LRP1B: variants seen among roughly 807,000 people sequenced by gnomAD.
LRP1B encodes low-density lipoprotein receptor-related protein 1B.
LRP1B carries 217 observed loss-of-function variants against 556.6 expected under a neutral mutation model. The observed-to-expected ratio is 0.39, with a 90% confidence interval of 0.35 to 0.44. LRP1B has a LOEUF of 0.44. LRP1B is among the 20% of genes least tolerant of loss of function. LRP1B has a pLI of 1.00. For missense variants in LRP1B, 5,053 were observed against 5,620.8 expected, an observed-to-expected ratio of 0.90 and a Z score of 3.23; for synonymous variants, 2,047 against 1,865.8, an observed-to-expected ratio of 1.10 and a Z score of -2.50.
At chr2:140,628,646 C>G (rs1333856499) in intron 41 of LRP1B, among the ~76,000 whole-genome samples, 2 of 151,868 alleles carry the variant, frequency 1.3e-5, no homozygotes, top group Non-Finnish European at 2.9e-5. Context: ...TTATGGAGAA[C>G]TGGTGGTACT....
intron 2 of LRP1B, among the ~76,000 whole-genome samples, chr2:141,531,386 A>G (rs1002530331): frequency 6.6e-6 from 1 of 152,130 alleles, no homozygotes; most frequent in Non-Finnish European, 1.5e-5. Context: ...CAGATAACGT[A>G]TTAACATAAC....
intron 3 of LRP1B, among the ~76,000 whole-genome samples, chr2:141,477,319 A>G (rs1390212971): frequency 6.6e-6 from 1 of 151,604 alleles, no homozygotes; most frequent in Non-Finnish European, 1.5e-5. Context: ...AAAAGAAAGA[A>G]TTTCCAAAAA....
chr2:141,367,584 A>G (rs112754836), intron 3 of LRP1B, among the ~76,000 whole-genome samples: 9,379 of 134,730 alleles, frequency 0.07, 417 homozygotes, highest in African/African-American at 0.13. Context: ...CCCAGTTCTC[A>G]CCATTCTCCT....
chr2:140,943,817 A>T (rs1695467550), intron 20 of LRP1B, among the ~76,000 whole-genome samples: 1 of 152,034 alleles, frequency 6.6e-6, no homozygotes, highest in Non-Finnish European at 1.5e-5. Context: ...CATCAGGAAG[A>T]CAGAAAGATC....
chr2:141,475,456 T>G lies in LRP1B; in HGVS notation c.343+4940A>C, dbSNP rs561946970. On this transcript the variant is annotated intron_variant, in intron 3 of 90. Transcript: ENST00000389484. Reference sequence around the variant, plus strand: ...AGGCTTCTCTTGCTTATACCCACTTTAAATGTTAATAATACTGACAGGAGG... The same window carrying G: ...AGGCTTCTCTTGCTTATACCCACTTGAAATGTTAATAATACTGACAGGAGG... Among the ~76,000 whole-genome samples, 3 of 152,210 alleles carry G rather than the reference T, an allele frequency of 2.0e-5. No homozygotes were observed. In the South Asian group the frequency reaches 6.2e-4, roughly 32 times the overall value.
At chr2:140,963,704 C>G (rs1696107703) in intron 18 of LRP1B, among the ~76,000 whole-genome samples, 1 of 151,888 alleles carries the variant, frequency 6.6e-6, no homozygotes, top group Non-Finnish European at 1.5e-5. Context: ...CACCTGTAAT[C>G]CCGGCACTTT....
At chr2:142,126,000 G>A (rs1574712947) in intron 1 of LRP1B, among the ~76,000 whole-genome samples, 1 of 151,872 alleles carries the variant, frequency 6.6e-6, no homozygotes, top group African/African-American at 2.4e-5. Context: ...TCTCATAGGA[G>A]TTTGGCTGAG....
chr2:141,808,380 T>G (rs1203571191), intron 2 of LRP1B, among the ~76,000 whole-genome samples: 1 of 152,184 alleles, frequency 6.6e-6, no homozygotes, highest in East Asian at 1.9e-4. Flanking sequence ...TCTTTCCTTG[T>G]AGCTAAAGAG....
At chr2:141,712,239 A>G (rs900350078) in intron 2 of LRP1B, among the ~76,000 whole-genome samples, 2 of 152,198 alleles carry the variant, frequency 1.3e-5, no homozygotes, top group Admixed American at 6.5e-5. Context: ...AAAATTTATG[A>G]TCATTGGGAC....
chr2:141,169,143 G>A (rs1480435756), intron 7 of LRP1B, among the ~76,000 whole-genome samples: 2 of 151,604 alleles, frequency 1.3e-5, no homozygotes, highest in African/African-American at 4.8e-5. Context: ...AAAATTAGCT[G>A]GGTATAGTGG....
chr2:140,569,753 G>A (rs1558974144), intron 43 of LRP1B, among the ~76,000 whole-genome samples: 1 of 151,754 alleles, frequency 6.6e-6, no homozygotes, highest in Admixed American at 6.6e-5. Flanking sequence ...TTCTTTTCAT[G>A]AGCACATGGG....
intron 3 of LRP1B, among the ~76,000 whole-genome samples, chr2:141,410,493 A>G (rs1195355600): frequency 6.6e-6 from 1 of 152,102 alleles, no homozygotes; most frequent in African/African-American, 2.4e-5. Flanking sequence ...CATCAGGTAC[A>G]GTTTAAGGCA....
chr2:140,814,223 T>C (rs1011823978), intron 31 of LRP1B, among the ~76,000 whole-genome samples: 11 of 152,092 alleles, frequency 7.2e-5, no homozygotes, highest in African/African-American at 2.7e-4. Context: ...AGCGATCCTG[T>C]CACCTTGGCC....
At chr2:141,223,278 C>T (rs1410292868) in intron 6 of LRP1B, among the ~76,000 whole-genome samples, 1 of 152,120 alleles carries the variant, frequency 6.6e-6, no homozygotes, top group Non-Finnish European at 1.5e-5. Flanking sequence ...AATCAACTCC[C>T]ATTCACAATT....
At chr2:142,028,546 T>C (rs138167493) in intron 1 of LRP1B, among the ~76,000 whole-genome samples, 15 of 152,144 alleles carry the variant, frequency 9.9e-5, no homozygotes, top group African/African-American at 3.1e-4. Flanking sequence ...ACTATGGATG[T>C]ACCATAGTTC....
At chr2:140,444,931 A>T (rs971492411) in intron 63 of LRP1B, among the ~76,000 whole-genome samples, 22 of 152,216 alleles carry the variant, frequency 1.4e-4, no homozygotes, top group African/African-American at 4.3e-4. Context: ...ATATTTTTTT[A>T]AAAATTTAAA....
intron 59 of LRP1B, among the ~76,000 whole-genome samples, chr2:140,483,788 G>A (rs1688353938): frequency 6.6e-6 from 1 of 151,108 alleles, no homozygotes; most frequent in South Asian, 2.1e-4. Context: ...TTACAGGTGT[G>A]CGCCACCACG....
intron 23 of LRP1B, among the ~76,000 whole-genome samples, chr2:140,892,446 C>T (rs1038006987): frequency 2.0e-5 from 3 of 152,082 alleles, no homozygotes; most frequent in Admixed American, 6.6e-5. Context: ...GAGAGGTGCT[C>T]AAACTCATGA....
intron 66 of LRP1B, among the ~76,000 whole-genome samples, chr2:140,417,834 A>G (rs958152782): frequency 6.6e-6 from 1 of 152,210 alleles, no homozygotes; most frequent in African/African-American, 2.4e-5. Context: ...TCAGCAATAC[A>G]TTACATGCCT....
Sources: allele counts gnomAD v4.1 joint callset (sites outside exome capture counted in the v4.1 genomes callset), GRCh38; gene constraint gnomAD v4.1.1; transcripts MANE v1.5; gene names NCBI Gene and HGNC (gene_info 2026-07-23, HGNC 2026-07-21).